The following ATP6V0A1 variants were observed in gnomAD, a reference collection of about 807,000 sequenced individuals.
The protein encoded by ATP6V0A1 is V-type proton ATPase 116 kDa subunit a 1.
A neutral mutation model predicts 105.4 loss-of-function variants in ATP6V0A1; 43 were observed. The ratio of observed to expected loss-of-function variants is 0.41; its 90% CI spans 0.32 to 0.53. The LOEUF is 0.53. Among genes scored for constraint, ATP6V0A1 ranks in the 20% least tolerant of loss-of-function variants. The pLI is 0.30. For synonymous variants in ATP6V0A1, 362 were observed against 372.8 expected (o/e 0.97, Z 0.33); for missense variants, 676 against 1,051.1 (o/e 0.64, Z 4.93).
chr17:42,471,124 A>G (rs1248356501), intron 5 of ATP6V0A1: 1 of 145,072 alleles, frequency 6.9e-6, no homozygotes, highest in African/African-American at 2.5e-5. Flanking sequence ...CTCTATCTCA[A>G]AAAAAAAAAA....
At chr17:42,487,757 TA>T (rs1393216850) in intron 10 of ATP6V0A1, among the ~76,000 whole-genome samples, 1 of 151,978 alleles carries the variant, frequency 6.6e-6, no homozygotes, top group Admixed American at 6.6e-5. Flanking sequence ...AAAAAATAAA[TA>T]AATAGTAACA....
At chr17:42,498,472 A>G (rs1400724090) in intron 14 of ATP6V0A1, among the ~76,000 whole-genome samples, 1 of 152,152 alleles carries the variant, frequency 6.6e-6, no homozygotes, top group Non-Finnish European at 1.5e-5. Flanking sequence ...AGTTTGTTGT[A>G]CCATCCTGTC....
rs989470348 is a variant in ATP6V0A1 at position 42,513,963 on chromosome 17, A to G, written c.2233A>G (p.Ser745Gly). The stretch of plus-strand genomic sequence containing the variant: ...CTCCTACTTGCGGCTCTGGGCCCTC[A>G]GCCTCGCTCATGCGCGTGAGTACCT... ...TASYLRLWALSLAHAQLSEVL... is the reference protein window; with the variant it reads ...TASYLRLWALGLAHAQLSEVL... The change falls in exon 20 of 22, where the codon AGC (serine) becomes GGC (glycine). Residue 745 changes from serine to glycine, a missense_variant. By Grantham distance (56) the Ser-to-Gly change is moderately conservative. Transcript: ENST00000343619. 1.2e-6 allele frequency: 2 copies of G among 1,613,976 alleles called. No individual in the cohort carries two copies. Among genetic ancestry groups the G allele is most frequent in the Non-Finnish European group, 1.7e-6 (2 of 1,179,962 alleles).
chr17:42,507,198 A>G (rs938672), intron 17 of ATP6V0A1: 28,913 of 243,506 alleles, frequency 0.12, 2,856 homozygotes, highest in African/African-American at 0.31. Context: ...GAATCTGTTC[A>G]TATTAAGGTT....
chr17:42,489,200 C>G, intron 10 of ATP6V0A1, among the ~76,000 whole-genome samples: 1 of 151,544 alleles, frequency 6.6e-6, no homozygotes, highest in East Asian at 2.0e-4. Flanking sequence ...CTGCCTCAGC[C>G]TCCTGAGTAG....
intron 19 of ATP6V0A1, chr17:42,511,002 A>G (rs1233972823): frequency 2.0e-5 from 3 of 152,248 alleles, no homozygotes; most frequent in African/African-American, 7.2e-5. Flanking sequence ...TCTGCTGGAC[A>G]TGGGAGATGG....
intron 13 of ATP6V0A1, 30 bp downstream of exon 13, chr17:42,495,218 G>A: frequency 6.2e-7 from 1 of 1,608,270 alleles, no homozygotes; most frequent in Non-Finnish European, 8.5e-7. Flanking sequence ...AAAATTCAAA[G>A]CTTATTCCTT....
intron 3 of ATP6V0A1, 106 bp from the exon 4 acceptor site, chr17:42,467,904 A>G: frequency 2.4e-6 from 1 of 423,084 alleles, no homozygotes; most frequent in Non-Finnish European, 4.0e-6. Context: ...TCTTTTTTGA[A>G]TAAAACTTTT....
At chr17:42,472,723 CAA>C (rs971394236) in intron 5 of ATP6V0A1, among the ~76,000 whole-genome samples, 1 of 146,484 alleles carries the variant, frequency 6.8e-6, no homozygotes, top group South Asian at 2.2e-4. Context: ...GACTCCATCT[CAA>C]AAAAAAAAAT....
intron 11 of ATP6V0A1, among the ~76,000 whole-genome samples, chr17:42,491,459 C>T (rs1012170777): frequency 6.6e-5 from 10 of 151,024 alleles, no homozygotes; most frequent in African/African-American, 9.7e-5. Context: ...TACAGGCACC[C>T]GCCACCATGC....
intron 17 of ATP6V0A1, among the ~76,000 whole-genome samples, chr17:42,501,591 T>G (rs2091674532): frequency 6.6e-6 from 1 of 151,940 alleles, no homozygotes; most frequent in African/African-American, 2.4e-5. Flanking sequence ...ATTCTTGTAT[T>G]TTTAGTAGAG....
chr17:42,483,399 C>T (rs1382031803), intron 9 of ATP6V0A1, among the ~76,000 whole-genome samples: 1 of 151,694 alleles, frequency 6.6e-6, no homozygotes, highest in Non-Finnish European at 1.5e-5. Context: ...CTCTCCACCT[C>T]ATGGGTCTGA....
At chr17:42,459,672 A>G (rs1327581469) in intron 1 of ATP6V0A1, among the ~76,000 whole-genome samples, 1 of 152,202 alleles carries the variant, frequency 6.6e-6, no homozygotes, top group South Asian at 2.1e-4. Context: ...TCTTTGTTTA[A>G]GGGTGGTGCC....
intron 4 of ATP6V0A1, among the ~76,000 whole-genome samples, chr17:42,469,791 C>T (rs1022698626): frequency 5.3e-5 from 8 of 152,102 alleles, no homozygotes; most frequent in African/African-American, 1.7e-4. Flanking sequence ...TACAGTCATG[C>T]GCCAGCACGC....
rs753013128 is a variant in ATP6V0A1 at position 42,495,230 on chromosome 17, C to G, written c.1469+42C>G. 3 of 1,596,120 alleles carry G rather than the reference C, an allele frequency of 1.9e-6. No homozygotes were observed. In the South Asian group the frequency reaches 3.3e-5, roughly 18 times the overall value. On this transcript the variant is annotated intron_variant, in intron 13 of 21. Coordinates refer to ENST00000343619, the MANE Select transcript of ATP6V0A1 (RefSeq NM_001130021.3). ...GCTAAAATTCAAAGCTTATTCCTTT[C>G]ATGTGCAGCCCTGATTTTTAAGACA...
At chr17:42,472,452 C>T (rs893018041) in intron 5 of ATP6V0A1, among the ~76,000 whole-genome samples, 3 of 151,800 alleles carry the variant, frequency 2.0e-5, no homozygotes, top group East Asian at 1.9e-4. Flanking sequence ...AGGCCGGGCG[C>T]GGTGGCTAAC....
Position 42,494,329 on chromosome 17 carries a change from C to T in ATP6V0A1, c.1175-5C>T. ...TGTATTTTTCTTTTTTTGGTTTCTT[C>T]ATAGCTCCGTATACTATTATCACGT... On this transcript the variant is annotated splice_polypyrimidine_tract_variant and splice_region_variant and intron_variant, in intron 11 of 21. Transcript: ENST00000343619. 1 of 1,606,756 alleles carries T rather than the reference C, an allele frequency of 6.2e-7. No individual in the cohort carries two copies. The highest frequency in any genetic ancestry group is 2.2e-5 in the East Asian group (1 of 44,822).
chr17:42,488,639 T>C (rs1212976070), intron 10 of ATP6V0A1, among the ~76,000 whole-genome samples: 1 of 152,098 alleles, frequency 6.6e-6, no homozygotes, highest in Admixed American at 6.5e-5. Flanking sequence ...CGTGGCTAAT[T>C]TTTTGTAGAG....
intron 2 of ATP6V0A1, 110 bp downstream of exon 2, chr17:42,461,121 CA>C (rs761019725): frequency 2.3e-6 from 2 of 874,346 alleles, no homozygotes; most frequent in East Asian, 5.0e-5. Flanking sequence ...AACATTATAG[CA>C]CTGACTTCCT....
Sources: gnomAD v4.1 joint callset for allele counts (sites outside exome capture counted in the v4.1 genomes callset) on GRCh38, gnomAD v4.1.1 for gene constraint, MANE v1.5 for transcripts, NCBI Gene and HGNC (gene_info 2026-07-23, HGNC 2026-07-21) for gene names.